ZNF487: variants seen among roughly 807,000 people sequenced by gnomAD.
The protein encoded by ZNF487 is KRAB domain only 1.
In ZNF487, 4 loss-of-function variants were observed where a neutral mutation model predicts 3.0. The observed-to-expected ratio is 1.35, with a 90% CI of 0.66 to 3.08. ZNF487 has a LOEUF of 3.08. Among genes scored for constraint, ZNF487 ranks in the 30% most tolerant of loss-of-function variants. ZNF487 has a pLI of 0.01. For missense variants in ZNF487, 146 were observed against 98.7 expected (o/e 1.48, Z -2.03); for synonymous variants, 55 against 34.6 (o/e 1.59, Z -2.06).
chr10:43,463,671 C>T (rs543819425), intron 1 of ZNF487, among the ~76,000 whole-genome samples: 13 of 151,212 alleles, frequency 8.6e-5, no homozygotes, highest in South Asian at 8.4e-4. Flanking sequence ...ACTGTAGGCA[C>T]GAGCCACCTC....
intron 1 of ZNF487, among the ~76,000 whole-genome samples, chr10:43,441,417 C>T (rs1242791052): frequency 6.6e-6 from 1 of 151,986 alleles, no homozygotes. Flanking sequence ...AGACACCTGC[C>T]ACCGGGCCCG....
chr10:43,514,766 C>T, the ZNF487 span, among the ~76,000 whole-genome samples: 1 of 152,210 alleles, frequency 6.6e-6, no homozygotes, highest in Non-Finnish European at 1.5e-5. Flanking sequence ...ATCTGACATA[C>T]AGAGAAGAGC....
chr10:43,449,807 G>A (rs922036894), intron 1 of ZNF487, among the ~76,000 whole-genome samples: 1 of 151,440 alleles, frequency 6.6e-6, no homozygotes, highest in Non-Finnish European at 1.5e-5. Flanking sequence ...AGCCTCCCAA[G>A]TAGCTCGAAT....
At chr10:43,483,952 T>A (rs1223294913), downstream of ZNF487, among the ~76,000 whole-genome samples, 1 of 152,160 alleles carries the variant, frequency 6.6e-6, no homozygotes, top group African/African-American at 2.4e-5. Context: ...CCCTGCAACC[T>A]CCATCTCCTG....
chr10:43,482,939 C>T lies in ZNF487; in HGVS notation c.*1017C>T, dbSNP rs776211626. The T allele has an allele frequency of 1.1e-5, 6 of 529,478 alleles. No homozygotes were observed. The highest frequency in any genetic ancestry group is 2.3e-5 in the Non-Finnish European group (6 of 258,520). The allele number at this position is 529,478 out of a possible 1,614,324, so 32.8% of individuals were successfully genotyped here. A position where few individuals can be genotyped will look rare whatever the true frequency, so the allele number is the denominator to read the frequency against. On this transcript the variant is annotated 3_prime_UTR_variant, in exon 4 of 4. Coordinates refer to ENST00000437590, the MANE Select transcript of ZNF487 (RefSeq NM_001355444.3). ...ATGCATGTAGTGAATGTGGGAAAAC[C>T]TTCTACCAGAAGTCATCCCTCACAA...
At chr10:43,504,293 C>CTTTTTTTTTT in the ZNF487 span, among the ~76,000 whole-genome samples, 176 of 108,970 alleles carry the variant, frequency 1.6e-3, 2 homozygotes, top group Non-Finnish European at 2.3e-3. Flanking sequence ...TTCTTTCTTT[C>CTTTTTTTTTT]TTTTTTTTTT....
chr10:43,461,523 G>T (rs1030845235), intron 1 of ZNF487, among the ~76,000 whole-genome samples: 9 of 151,630 alleles, frequency 5.9e-5, no homozygotes, highest in African/African-American at 2.2e-4. Flanking sequence ...GTTTTGCTAT[G>T]TTGCCCAGGC....
chr10:43,493,851 C>T, the ZNF487 span, among the ~76,000 whole-genome samples: 1 of 150,300 alleles, frequency 6.7e-6, no homozygotes, highest in African/African-American at 2.5e-5. Context: ...CTTGTTTTGA[C>T]GTGATATGCA....
At chr10:43,513,813 C>T in the ZNF487 span, among the ~76,000 whole-genome samples, 11 of 152,286 alleles carry the variant, frequency 7.2e-5, no homozygotes, top group African/African-American at 9.6e-5. Context: ...CATTAATTAC[C>T]TGATCTCTAT....
chr10:43,522,364 A>C, the ZNF487 span, among the ~76,000 whole-genome samples: 2 of 152,154 alleles, frequency 1.3e-5, no homozygotes, highest in East Asian at 3.8e-4. Flanking sequence ...TAAAAATACA[A>C]ATACCACTTG....
Position 43,482,734 on chromosome 10 carries a change from G to T in ZNF487, c.*812G>T. ...ATTAATCATCAGTGAACTCACACAG[G>T]AGAGAGACCCTTTGAATGCAATGAA... On this transcript the variant is annotated 3_prime_UTR_variant, in exon 4 of 4. Coordinates refer to ENST00000437590, the MANE Select transcript of ZNF487 (RefSeq NM_001355444.3). 2.2e-6 allele frequency: 1 copy of T among 464,712 alleles called. No homozygotes were observed. 28.8% of individuals were successfully genotyped at this position (464,712 alleles called of 1,614,324 possible).
chr10:43,471,511 G>A (rs555477838), intron 1 of ZNF487, among the ~76,000 whole-genome samples: 28 of 152,280 alleles, frequency 1.8e-4, no homozygotes, highest in East Asian at 9.6e-4. Context: ...CTAGGTACCC[G>A]CACTCAGTGG....
At chr10:43,453,433 ATT>A (rs949469977) in intron 1 of ZNF487, 2 of 152,148 alleles carry the variant, frequency 1.3e-5, no homozygotes, top group African/African-American at 4.8e-5. Context: ...CAGCACTGAG[ATT>A]TCTCAGGCAG....
At chr10:43,483,467 C>T (rs563851728), downstream of ZNF487, among the ~76,000 whole-genome samples, 189 of 151,838 alleles carry the variant, frequency 1.2e-3, 2 homozygotes, top group Non-Finnish European at 2.0e-3. Flanking sequence ...CTTGAACTCC[C>T]GACCTCAGGT....
chr10:43,448,870 C>T (rs562478157), intron 1 of ZNF487, among the ~76,000 whole-genome samples: 18 of 151,696 alleles, frequency 1.2e-4, no homozygotes, highest in Non-Finnish European at 2.5e-4. Flanking sequence ...GTGGCAGATG[C>T]CCATAGTCCC....
Position 43,481,500 on chromosome 10 carries a change from T to A in ZNF487, c.202T>A (p.Phe68Ile), listed in dbSNP as rs1456242291. 2.8e-6 allele frequency: 2 copies of A among 717,232 alleles called. No individual in the cohort carries two copies. The highest frequency in any genetic ancestry group is 5.2e-6 in the Non-Finnish European group (2 of 385,020). 44.4% of individuals were successfully genotyped at this position (717,232 alleles called of 1,614,324 possible). A position where few individuals can be genotyped will look rare whatever the true frequency, so the allele number is the denominator to read the frequency against. Residue 68 changes from phenylalanine to isoleucine, a missense_variant, in exon 4 of 4, where the codon TTT becomes ATT. Coordinates refer to ENST00000437590, the MANE Select transcript of ZNF487 (RefSeq NM_001355444.3). ...NQDQHLQKVDFVNNKTLTMDR... is the reference protein window; with the variant it reads ...NQDQHLQKVDIVNNKTLTMDR... ...AGACCAGCATTTGCAGAAAGTTGAT[T>A]TTGTCAACAATAAAACACTGACTAT...
At chr10:43,514,423 G>A in the ZNF487 span, among the ~76,000 whole-genome samples, 1 of 152,180 alleles carries the variant, frequency 6.6e-6, no homozygotes, top group South Asian at 2.1e-4. Flanking sequence ...TTATAGGTGT[G>A]AGCCACTGTG....
chr10:43,464,249 T>C (rs1840562136), intron 1 of ZNF487, among the ~76,000 whole-genome samples: 1 of 151,552 alleles, frequency 6.6e-6, no homozygotes, highest in South Asian at 2.1e-4. Context: ...AGTGGCATGA[T>C]CTTGGCTCAC....
intron 1 of ZNF487, among the ~76,000 whole-genome samples, chr10:43,447,473 C>G (rs990732491): frequency 6.6e-6 from 1 of 152,052 alleles, no homozygotes; most frequent in Non-Finnish European, 1.5e-5. Flanking sequence ...AACTCCTGAC[C>G]TCAAGTGATC....
Sources: allele counts gnomAD v4.1 joint callset (sites outside exome capture counted in the v4.1 genomes callset), GRCh38; gene constraint gnomAD v4.1.1; transcripts MANE v1.5; gene names NCBI Gene and HGNC (gene_info 2026-07-23, HGNC 2026-07-21).